Variants in TMEM26 observed in about 807,000 individuals in gnomAD.
The protein encoded by TMEM26 is transmembrane protein 26.
A neutral mutation model predicts 28.8 loss-of-function variants in TMEM26; 38 were observed. The observed-to-expected ratio is 1.32, with a 90% confidence interval of 1.02 to 1.73. The LOEUF is 1.73. TMEM26 is among the 40% of genes most tolerant of loss of function. The probability of loss-of-function intolerance (pLI) is 0.00; values close to 1 mark genes in which losing one functional copy is unlikely to be tolerated. For missense variants in TMEM26, 518 were observed against 447.1 expected, an observed-to-expected ratio of 1.16 and a Z score of -1.43; for synonymous variants, 227 against 182.9, an observed-to-expected ratio of 1.24 and a Z score of -1.95.
chr10:61,412,611 A>G (rs1013190107), intron 5 of TMEM26, among the ~76,000 whole-genome samples: 21 of 152,286 alleles, frequency 1.4e-4, no homozygotes, highest in Middle Eastern at 3.4e-3. Flanking sequence ...TAGGGTTCCA[A>G]GAAGTTTTCA....
chr10:61,433,976 T>C (rs1046779251), intron 2 of TMEM26, among the ~76,000 whole-genome samples: 1 of 152,108 alleles, frequency 6.6e-6, no homozygotes, highest in African/African-American at 2.4e-5. Context: ...GCCTAACCTA[T>C]GGAGTTGTTG....
chr10:61,427,514 T>C (rs1232840707), intron 4 of TMEM26, among the ~76,000 whole-genome samples: 1 of 152,112 alleles, frequency 6.6e-6, no homozygotes, highest in Non-Finnish European at 1.5e-5. Flanking sequence ...GCAATTCTAC[T>C]TTTATTCACG....
At chr10:61,443,337 C>G (rs550968157) in intron 1 of TMEM26, among the ~76,000 whole-genome samples, 2 of 150,124 alleles carry the variant, frequency 1.3e-5, no homozygotes, top group Non-Finnish European at 3.0e-5. Context: ...TGGCGGCGTG[C>G]GCCTGTAGTC....
chr10:61,414,171 G>T, intron 4 of TMEM26: 1 of 582,882 alleles, frequency 1.7e-6, no homozygotes, highest in Non-Finnish European at 2.2e-6. Flanking sequence ...ATGGTTAAAA[G>T]CACCAAAGAA....
chr10:61,447,608 G>A (rs1840205643), intron 1 of TMEM26, among the ~76,000 whole-genome samples: 1 of 152,092 alleles, frequency 6.6e-6, no homozygotes, highest in Non-Finnish European at 1.5e-5. Flanking sequence ...AAAGAAATTC[G>A]GAAGAGTTTT....
At position 61,452,901 on chromosome 10, in the gene TMEM26, C is replaced by CAG. The variant is rs1299319063; in HGVS notation, c.180_181insCT (p.Gly61LeufsTer14). On this transcript the variant is annotated frameshift_variant, in exon 1 of 6. Coordinates refer to ENST00000399298, the MANE Select transcript of TMEM26 (RefSeq NM_178505.8). LOFTEE classifies it high-confidence loss of function. ...CCGGGGCACTCTCACCATTTGTAGC[C>CAG]TCTGCCGCGCTTGAACTTGAGGGTG... 1 of 1,613,362 alleles carries CAG rather than the reference C, an allele frequency of 6.2e-7. No homozygotes were observed. The highest frequency in any genetic ancestry group is 1.3e-5 in the African/African-American group (1 of 75,038).
chr10:61,426,358 C>T (rs1261752802), intron 4 of TMEM26, among the ~76,000 whole-genome samples: 1 of 152,022 alleles, frequency 6.6e-6, no homozygotes, highest in East Asian at 1.9e-4. Context: ...ATAAACAAAT[C>T]TATAATTACT....
At chr10:61,413,580 C>A in intron 4 of TMEM26, 45 bp from the exon 5 acceptor site, 1 of 1,554,032 alleles carries the variant, frequency 6.4e-7, no homozygotes, top group Non-Finnish European at 8.7e-7. Flanking sequence ...AAAGTATGAT[C>A]ACATGCAGAA....
intron 1 of TMEM26, among the ~76,000 whole-genome samples, chr10:61,442,384 G>A (rs1474659985): frequency 6.6e-6 from 1 of 151,960 alleles, no homozygotes; most frequent in Non-Finnish European, 1.5e-5. Flanking sequence ...ACAAATAACA[G>A]TATAAGTAAG....
At chr10:61,441,612 A>C (rs1041093045) in intron 1 of TMEM26, among the ~76,000 whole-genome samples, 4 of 152,204 alleles carry the variant, frequency 2.6e-5, no homozygotes, top group African/African-American at 9.7e-5. Context: ...CAACTAACAA[A>C]TCATTTATAT....
In TMEM26 at chr10:61,428,987, C is replaced by G; in HGVS notation, c.544G>C (p.Val182Leu). ...DQLSQLLLMF[V>L]GTAADILEFT... ...TCCAGTATGTCAGCCGCTGTCCCCACAAACATAAGAAGAAGTTGAGAGAGT... is the reference window on the plus strand; with the variant it reads ...TCCAGTATGTCAGCCGCTGTCCCCAGAAACATAAGAAGAAGTTGAGAGAGT... Residue 182 changes from valine to leucine, a missense_variant, in exon 4 of 6, where the codon GTG becomes CTG. Coordinates refer to ENST00000399298, the MANE Select transcript of TMEM26 (RefSeq NM_178505.8). 6.2e-7 allele frequency: 1 copy of G among 1,613,242 alleles called. No individual in the cohort carries two copies.
At chr10:61,444,291 G>T in intron 1 of TMEM26, among the ~76,000 whole-genome samples, 1 of 151,954 alleles carries the variant, frequency 6.6e-6, no homozygotes, top group East Asian at 1.9e-4. Context: ...CTTATTTAAT[G>T]AACAAATGAA....
At chr10:61,436,489 T>C (rs1840011061) in intron 1 of TMEM26, among the ~76,000 whole-genome samples, 2 of 152,234 alleles carry the variant, frequency 1.3e-5, no homozygotes, top group African/African-American at 4.8e-5. Context: ...TCTCACTGAA[T>C]TTCTAATCCA....
intron 4 of TMEM26, among the ~76,000 whole-genome samples, chr10:61,422,242 T>C (rs1839761727): frequency 6.6e-6 from 1 of 152,012 alleles, no homozygotes; most frequent in African/African-American, 2.4e-5. Context: ...CAGGAATCAA[T>C]AGAACAAATA....
At chr10:61,446,854 T>TAAAAAAAAAAAAAA (rs1840191839) in intron 1 of TMEM26, among the ~76,000 whole-genome samples, 12 of 78,372 alleles carry the variant, frequency 1.5e-4, no homozygotes, top group East Asian at 7.0e-4. Flanking sequence ...AAAAAAAAAT[T>TAAAAAAAAAAAAAA]AAAAATGCTT....
intron 1 of TMEM26, among the ~76,000 whole-genome samples, chr10:61,437,280 G>A (rs1323388242): frequency 6.6e-6 from 1 of 152,084 alleles, no homozygotes; most frequent in Admixed American, 6.6e-5. Flanking sequence ...TTGGGGTTAG[G>A]ACTTCAGTCT....
At chr10:61,411,954 C>G (rs1456466208) in intron 5 of TMEM26, among the ~76,000 whole-genome samples, 1 of 152,176 alleles carries the variant, frequency 6.6e-6, no homozygotes, top group Middle Eastern at 3.2e-3. Flanking sequence ...AGCTGCATAA[C>G]ATTATCACCC....
chr10:61,420,550 G>C (rs1191295438), intron 4 of TMEM26, among the ~76,000 whole-genome samples: 1 of 152,082 alleles, frequency 6.6e-6, no homozygotes, highest in Non-Finnish European at 1.5e-5. Flanking sequence ...GTATATATAT[G>C]TAAAATGGTG....
chr10:61,450,457 G>C (rs1188312801), intron 1 of TMEM26, among the ~76,000 whole-genome samples: 1 of 152,052 alleles, frequency 6.6e-6, no homozygotes, highest in African/African-American at 2.4e-5. Context: ...CCCATGTTCT[G>C]ATTTTTTATT....
Sources: allele counts gnomAD v4.1 joint callset (sites outside exome capture counted in the v4.1 genomes callset), GRCh38; gene constraint gnomAD v4.1.1; transcripts MANE v1.5; gene names NCBI Gene and HGNC (gene_info 2026-07-23, HGNC 2026-07-21).